Variants in SOX5 observed in about 807,000 individuals in gnomAD.
SOX5 encodes transcription factor SOX-5.
Under a neutral mutation model 92.0 loss-of-function variants are expected in SOX5, and 9 were observed. The observed-to-expected ratio is 0.10, with a 90% confidence interval of 0.06 to 0.17. The LOEUF (loss-of-function observed/expected upper bound fraction) is 0.17, where lower values mean the gene tolerates loss of function less well. SOX5 is among the 10% of genes least tolerant of loss of function. SOX5 has a pLI of 1.00. For synonymous variants in SOX5, 344 were observed against 336.3 expected (o/e 1.02, Z -0.25); for missense variants, 642 against 944.5 (o/e 0.68, Z 4.20).
chr12:24,469,643 T>G (rs142903249), intron 1 of SOX5, among the ~76,000 whole-genome samples: 5 of 152,190 alleles, frequency 3.3e-5, no homozygotes, highest in African/African-American at 1.2e-4. Flanking sequence ...CCCAGATATG[T>G]GCAACTTATG....
intron 4 of SOX5, among the ~76,000 whole-genome samples, chr12:24,188,462 G>A (rs1010253383): frequency 2.0e-5 from 3 of 152,082 alleles, no homozygotes; most frequent in African/African-American, 7.2e-5. Context: ...GAAAAAGAAG[G>A]CATTATTTCC....
At chr12:24,542,449 A>G (rs1399779809) in intron 1 of SOX5, among the ~76,000 whole-genome samples, 1 of 152,200 alleles carries the variant, frequency 6.6e-6, no homozygotes, top group Non-Finnish European at 1.5e-5. Context: ...ATCACTATAC[A>G]TATTTATAAT....
chr12:24,027,682 G>T (rs1955029695), intron 4 of SOX5, among the ~76,000 whole-genome samples: 1 of 152,010 alleles, frequency 6.6e-6, no homozygotes, highest in South Asian at 2.1e-4. Flanking sequence ...TACCATGTAA[G>T]ATGGTAAGTT....
intron 2 of SOX5, among the ~76,000 whole-genome samples, chr12:24,294,269 G>GT (rs910373496): frequency 2.0e-5 from 3 of 151,448 alleles, no homozygotes; most frequent in African/African-American, 7.3e-5. Context: ...TGCCTCATCA[G>GT]TAACTCATGG....
chr12:23,537,680 T>C (rs1038520526), intron 13 of SOX5, among the ~76,000 whole-genome samples: 7 of 152,178 alleles, frequency 4.6e-5, no homozygotes, highest in Non-Finnish European at 8.8e-5. Context: ...AAAAGACAAG[T>C]TTGAAGCTTA....
At chr12:23,594,908 T>C (rs556896493) in intron 9 of SOX5, among the ~76,000 whole-genome samples, 4 of 152,142 alleles carry the variant, frequency 2.6e-5, no homozygotes, top group Non-Finnish European at 5.9e-5. Flanking sequence ...GTCCTCCTTT[T>C]CACGATTTCA....
chr12:24,331,691 T>A (rs999749275), intron 2 of SOX5, among the ~76,000 whole-genome samples: 1 of 151,222 alleles, frequency 6.6e-6, no homozygotes, highest in African/African-American at 2.4e-5. Context: ...CTACTAAAAA[T>A]ACAAAAATTA....
chr12:23,946,117 A>G (rs1226707525), intron 1 of SOX5, among the ~76,000 whole-genome samples: 1 of 152,166 alleles, frequency 6.6e-6, no homozygotes, highest in African/African-American at 2.4e-5. Context: ...TGTGAAGTAA[A>G]TAAGTTAATT....
chr12:24,300,836 T>A (rs78907425), intron 2 of SOX5, among the ~76,000 whole-genome samples: 2,357 of 152,340 alleles, frequency 0.015, 64 homozygotes, highest in African/African-American at 0.053. Flanking sequence ...TTAAAACTGC[T>A]TTCTGCTATA....
chr12:24,050,462 TA>T (rs1324617548), intron 4 of SOX5, among the ~76,000 whole-genome samples: 2 of 152,022 alleles, frequency 1.3e-5, no homozygotes, highest in Non-Finnish European at 2.9e-5. Context: ...TTTGATTACT[TA>T]AAAAAACTAC....
intron 6 of SOX5, among the ~76,000 whole-genome samples, chr12:23,711,323 C>T (rs941571817): frequency 1.2e-4 from 18 of 152,130 alleles, no homozygotes; most frequent in African/African-American, 3.6e-4. Context: ...AACTTAGCAC[C>T]GTCAATTAAC....
chr12:23,919,364 C>T (rs1015087417), intron 1 of SOX5, among the ~76,000 whole-genome samples: 1 of 152,308 alleles, frequency 6.6e-6, no homozygotes, highest in Admixed American at 6.5e-5. Context: ...ATAGCCAGTA[C>T]ATAAGTTTGT....
intron 8 of SOX5, among the ~76,000 whole-genome samples, chr12:23,639,114 G>A (rs1219708811): frequency 6.6e-6 from 1 of 151,902 alleles, no homozygotes; most frequent in Non-Finnish European, 1.5e-5. Flanking sequence ...TATATGTTTG[G>A]TGTCTAAAGT....
At chr12:24,252,810 G>GC (rs776555513) in intron 3 of SOX5, among the ~76,000 whole-genome samples, 7 of 152,184 alleles carry the variant, frequency 4.6e-5, no homozygotes, top group Non-Finnish European at 1.0e-4. Context: ...CTTGTTACAA[G>GC]CCCTTTTACA....
intron 2 of SOX5, among the ~76,000 whole-genome samples, chr12:24,346,277 C>T (rs1001588829): frequency 6.6e-6 from 1 of 152,056 alleles, no homozygotes; most frequent in Non-Finnish European, 1.5e-5. Context: ...TCTTTTAGAA[C>T]CATTGTGCCA....
intron 2 of SOX5, among the ~76,000 whole-genome samples, chr12:24,328,068 A>G (rs1366275201): frequency 6.6e-6 from 1 of 152,172 alleles, no homozygotes; most frequent in Non-Finnish European, 1.5e-5. Context: ...ACTTTTAACC[A>G]CATCTATCTT....
chr12:23,831,957 T>TACACGCACACACACACACAC (rs367953254), intron 3 of SOX5, among the ~76,000 whole-genome samples: 58 of 142,838 alleles, frequency 4.1e-4, no homozygotes, highest in Admixed American at 2.1e-3. Flanking sequence ...AAAGGGGAAC[T>TACACGCACACACACACACAC]ACACACACAC....
intron 4 of SOX5, among the ~76,000 whole-genome samples, chr12:24,026,839 C>T (rs142920784): frequency 1.3e-5 from 2 of 151,750 alleles, no homozygotes; most frequent in Non-Finnish European, 2.9e-5. Flanking sequence ...TTGCCATGAT[C>T]GTGAATATAA....
intron 10 of SOX5, among the ~76,000 whole-genome samples, chr12:23,574,478 T>C (rs1010125441): frequency 2.0e-5 from 3 of 152,240 alleles, no homozygotes; most frequent in African/African-American, 7.2e-5. Flanking sequence ...TCTAGTTTCC[T>C]GTCTACAACT....
Sources: allele counts gnomAD v4.1 joint callset (sites outside exome capture counted in the v4.1 genomes callset), GRCh38; gene constraint gnomAD v4.1.1; transcripts MANE v1.5; gene names NCBI Gene and HGNC (gene_info 2026-07-23, HGNC 2026-07-21).